The following SMIM13 variants were observed in gnomAD, a reference collection of about 807,000 sequenced individuals.
SMIM13 encodes UPF0766 protein C6orf228.
SMIM13 carries 3 observed loss-of-function variants against 5.9 expected under a neutral mutation model. The ratio of observed to expected loss-of-function variants is 0.51; its 90% CI spans 0.23 to 1.31. The LOEUF is 1.31. SMIM13 is among the 40% of genes most tolerant of loss of function. The pLI is 0.18. For synonymous variants in SMIM13, 55 were observed against 46.0 expected, an observed-to-expected ratio of 1.19 and a Z score of -0.79; for missense variants, 85 against 109.9, an observed-to-expected ratio of 0.77 and a Z score of 1.01.
chr6:11,129,017 G>T (rs981665927), intron 1 of SMIM13, among the ~76,000 whole-genome samples: 7 of 150,564 alleles, frequency 4.6e-5, no homozygotes, highest in Admixed American at 4.0e-4. Context: ...CCTGATTTTT[G>T]ATTTTTATGG....
chr6:11,117,162 TGTA>T (rs1380879579), intron 1 of SMIM13, among the ~76,000 whole-genome samples: 27 of 138,790 alleles, frequency 1.9e-4, no homozygotes, highest in South Asian at 1.7e-3. Context: ...GGCTAATTTT[TGTA>T]TTTTTTTTTT....
chr6:11,135,612 A>G lies in SMIM13; in HGVS notation c.*1010A>G, dbSNP rs561109800. The G allele has an allele frequency of 2.0e-5, 3 of 152,766 alleles. No homozygotes were observed. Among genetic ancestry groups the G allele is most frequent in the African/African-American group, 7.2e-5 (3 of 41,578 alleles). 9.5% of individuals were successfully genotyped at this position (152,766 alleles called of 1,614,324 possible). ...CCAGTACTCTTGACAACACCGGGAGAGACGTTCTGTGGAAAAATGCAGACA... is the reference window on the plus strand; with the variant it reads ...CCAGTACTCTTGACAACACCGGGAGGGACGTTCTGTGGAAAAATGCAGACA... On this transcript the variant is annotated 3_prime_UTR_variant, in exon 2 of 2. Transcript: ENST00000416247.
chr6:11,117,365 A>C (rs1581917379), intron 1 of SMIM13, among the ~76,000 whole-genome samples: 2 of 145,108 alleles, frequency 1.4e-5, no homozygotes, highest in Admixed American at 6.9e-5. Context: ...TTTAATAGAG[A>C]CGGGGTTTCA....
At chr6:11,114,286 C>A (rs897173274) in intron 1 of SMIM13, among the ~76,000 whole-genome samples, 1 of 152,072 alleles carries the variant, frequency 6.6e-6, no homozygotes, top group Non-Finnish European at 1.5e-5. Context: ...ACCTTTTCTT[C>A]CCAATGTGTA....
At chr6:11,124,247 CAA>C (rs762764195) in intron 1 of SMIM13, among the ~76,000 whole-genome samples, 12 of 152,198 alleles carry the variant, frequency 7.9e-5, no homozygotes, top group Non-Finnish European at 1.2e-4. Context: ...TGAGAACACG[CAA>C]AGTTTGTCTT....
intron 1 of SMIM13, among the ~76,000 whole-genome samples, chr6:11,117,308 C>T (rs1351871658): frequency 3.3e-4 from 47 of 144,248 alleles, no homozygotes; most frequent in African/African-American, 1.1e-3. Context: ...GGACTACAGG[C>T]GCCCGCCACT....
intron 1 of SMIM13, chr6:11,103,840 C>G: frequency 1.9e-6 from 3 of 1,551,682 alleles, no homozygotes; most frequent in Non-Finnish European, 2.6e-6. Context: ...AGGAGACTAA[C>G]AAGTGGGCCT....
At chr6:11,119,910 G>A (rs1489327721) in intron 1 of SMIM13, among the ~76,000 whole-genome samples, 1 of 152,200 alleles carries the variant, frequency 6.6e-6, no homozygotes, top group African/African-American at 2.4e-5. Context: ...GTGTGTCATT[G>A]AGAAAGGGGT....
intron 1 of SMIM13, among the ~76,000 whole-genome samples, chr6:11,126,871 C>T (rs775906311): frequency 5.3e-5 from 8 of 152,154 alleles, no homozygotes; most frequent in East Asian, 3.9e-4. Flanking sequence ...CCAGTTATGC[C>T]GTGGCTCTTG....
chr6:11,094,246 GCGCCGCCGCCCGCGCT>G lies in SMIM13; in HGVS notation c.-66_-51del. On this transcript the variant is annotated 5_prime_UTR_variant, in exon 1 of 2. Transcript: ENST00000416247. ...GGCGCCCGCCGCTGAAGCGCAGGAC[GCGCCGCCGCCCGCGCT>G]CACCGCCGTCCGCGCCAGCCGCCCC... is the stretch of plus-strand genomic sequence containing the variant. 1 of 977,548 alleles carries G rather than the reference GCGCCGCCGCCCGCGCT, an allele frequency of 1.0e-6. No homozygotes were observed. The highest frequency in any genetic ancestry group is 1.3e-6 in the Non-Finnish European group (1 of 762,132). The allele number at this position is 977,548 out of a possible 1,614,324, so 60.6% of individuals were successfully genotyped here. A position where few individuals can be genotyped will look rare whatever the true frequency, so the allele number is the denominator to read the frequency against.
At chr6:11,117,531 C>T (rs939919640) in intron 1 of SMIM13, among the ~76,000 whole-genome samples, 2 of 151,868 alleles carry the variant, frequency 1.3e-5, no homozygotes, top group African/African-American at 4.8e-5. Context: ...TTATTCAATT[C>T]AAGATATTTT....
At chr6:11,098,595 C>T (rs1462156812) in intron 1 of SMIM13, among the ~76,000 whole-genome samples, 1 of 152,134 alleles carries the variant, frequency 6.6e-6, no homozygotes, top group African/African-American at 2.4e-5. Context: ...CCATGCCCAG[C>T]TAATTTTTTG....
chr6:11,121,916 C>G (rs1211566833), intron 1 of SMIM13, among the ~76,000 whole-genome samples: 1 of 100,718 alleles, frequency 9.9e-6, no homozygotes, highest in South Asian at 2.8e-4. Flanking sequence ...TACATACATA[C>G]CTACACCGTC....
intron 1 of SMIM13, chr6:11,104,688 C>A: frequency 6.2e-7 from 1 of 1,614,186 alleles, no homozygotes; most frequent in Non-Finnish European, 8.5e-7. Context: ...ATCAGCAGGC[C>A]GGAACCAGAA....
At chr6:11,106,967 C>G (rs1481859260) in intron 1 of SMIM13, among the ~76,000 whole-genome samples, 1 of 152,208 alleles carries the variant, frequency 6.6e-6, no homozygotes, top group Non-Finnish European at 1.5e-5. Flanking sequence ...TTTCTTTCCC[C>G]TAGTTTAGGG....
chr6:11,127,120 A>C (rs1758386969), intron 1 of SMIM13, among the ~76,000 whole-genome samples: 1 of 152,184 alleles, frequency 6.6e-6, no homozygotes. Flanking sequence ...ATTGAAGCTC[A>C]TGGTGACCAC....
chr6:11,113,101 G>A (rs1758191532), intron 1 of SMIM13, among the ~76,000 whole-genome samples: 1 of 152,226 alleles, frequency 6.6e-6, no homozygotes, highest in Admixed American at 6.5e-5. Context: ...AAAGTGTTGG[G>A]ATTACAGGCG....
Position 11,131,402 on chromosome 6 carries a change from AT to A in SMIM13, c.77-2986del, listed in dbSNP as rs532571536. On this transcript the variant is annotated intron_variant, in intron 1 of 1. Transcript: ENST00000416247. ...AGTCCCTGTCAAAATTCTTGATGCC[AT>A]TTTTTTTTTTTTTTACTGAAATCGA... Among the ~76,000 whole-genome samples, 1,328 of 142,340 alleles carry A rather than the reference AT, an allele frequency of 9.3e-3. 8 individuals carry two copies. The highest frequency in any genetic ancestry group is 0.021 in the African/African-American group (826 of 39,072). The allele number at this position is 142,340 out of a possible 152,430, so 93.4% of individuals were successfully genotyped here. A position where few individuals can be genotyped will look rare whatever the true frequency, so the allele number is the denominator to read the frequency against.
At chr6:11,117,165 AT>A (rs34579750) in intron 1 of SMIM13, among the ~76,000 whole-genome samples, 16,432 of 68,780 alleles carry the variant, frequency 0.24, 1,119 homozygotes, top group African/African-American at 0.32. Flanking sequence ...TAATTTTTGT[AT>A]TTTTTTTTTT....
Sources: allele counts gnomAD v4.1 joint callset (sites outside exome capture counted in the v4.1 genomes callset), GRCh38; gene constraint gnomAD v4.1.1; transcripts MANE v1.5; gene names NCBI Gene and HGNC (gene_info 2026-07-23, HGNC 2026-07-21).